The following KANSL3 variants were observed in gnomAD, a reference collection of about 807,000 sequenced individuals.
KANSL3 encodes NSL complex protein NSL3.
In KANSL3, 16 loss-of-function variants were observed where a neutral mutation model predicts 89.2. That is an observed-to-expected ratio of 0.18 (90% CI 0.12 to 0.27). The LOEUF is 0.27. Ranked by LOEUF, KANSL3 falls within the 10% of genes least tolerant of loss-of-function variation. KANSL3 has a pLI of 1.00. For synonymous variants in KANSL3, 385 were observed against 419.7 expected (o/e 0.92, Z 1.01); for missense variants, 879 against 1,110.6 (o/e 0.79, Z 2.96).
At chr2:96,612,435 A>T in intron 8 of KANSL3, 27 bp downstream of exon 8, 1 of 1,606,758 alleles carries the variant, frequency 6.2e-7, no homozygotes, top group Non-Finnish European at 8.5e-7. Flanking sequence ...GGTATGCCAC[A>T]ATGTACTGAA....
At chr2:96,604,960 G>A (rs997763287) in intron 15 of KANSL3, 97 bp from the exon 16 acceptor site, 28 of 951,994 alleles carry the variant, frequency 2.9e-5, no homozygotes, top group Admixed American at 8.4e-5. Context: ...TATTACGGAC[G>A]AAAACTGGAA....
chr2:96,612,917 A>G lies in KANSL3; in HGVS notation c.813T>C (p.Ser271=). The G allele has an allele frequency of 6.4e-7, 1 of 1,561,914 alleles. No individual in the cohort carries two copies. The highest frequency in any genetic ancestry group is 8.7e-7 in the Non-Finnish European group (1 of 1,152,902). Residue 271 remains serine (S), a synonymous_variant, in exon 7 of 21, where the codon TCT becomes TCC. Transcript: ENST00000431828. The part of the protein sequence containing the change: ...SHNKPSKLPG[S]PLILIASSGP... Reference sequence around the variant, plus strand: ...CAGAGGAGGCGATGAGAATCAGCGGAGAGCCAGGGAGTTTGCTCTAAAGAG... The same window carrying G: ...CAGAGGAGGCGATGAGAATCAGCGGGGAGCCAGGGAGTTTGCTCTAAAGAG...
intron 2 of KANSL3, 100 bp from the exon 3 acceptor site, chr2:96,631,582 T>A: frequency 7.3e-7 from 1 of 1,370,818 alleles, no homozygotes; most frequent in Non-Finnish European, 1.0e-6. Context: ...CAGTCAGCTT[T>A]AAATTACGCA....
At chr2:96,600,660 C>T (rs761911267) in intron 20 of KANSL3, 1 of 985,424 alleles carries the variant, frequency 1.0e-6, no homozygotes, top group Non-Finnish European at 1.2e-6. Flanking sequence ...CAGTACTAGA[C>T]TCAAACTGTT....
intron 20 of KANSL3, chr2:96,598,016 T>C (rs2104874255): frequency 5.3e-6 from 4 of 755,884 alleles, no homozygotes; most frequent in Non-Finnish European, 6.4e-6. Flanking sequence ...GGATTCTCAA[T>C]GACCTCTACT....
intron 20 of KANSL3, among the ~76,000 whole-genome samples, chr2:96,596,026 G>C (rs1391011579): frequency 6.6e-6 from 1 of 152,164 alleles, no homozygotes; most frequent in Non-Finnish European, 1.5e-5. Flanking sequence ...GACAGAAAAG[G>C]AATGCAGAAA....
At chr2:96,586,261 G>A in the KANSL3 span, among the ~76,000 whole-genome samples, 1 of 151,856 alleles carries the variant, frequency 6.6e-6, no homozygotes, top group South Asian at 2.1e-4. Flanking sequence ...TGACTTTGAG[G>A]ACTTCGGGGT....
rs2067283665 is a variant in KANSL3, at chr2:96,602,244, G to A, written c.2354C>T (p.Thr785Ile). 1 of 1,612,052 alleles carries A rather than the reference G, an allele frequency of 6.2e-7. No homozygotes were observed. Among genetic ancestry groups the A allele is most frequent in the African/African-American group, 1.3e-5 (1 of 74,926 alleles). ...AGGAGTGGCACCCAAGGAGGAGAGAGTGGTGGCCACAGGAATGGTACGGAC... is the reference window on the plus strand; with the variant it reads ...AGGAGTGGCACCCAAGGAGGAGAGAATGGTGGCCACAGGAATGGTACGGAC... ...TIVRTIPVATTLSSLGATPGG... is the reference protein window; with the variant it reads ...TIVRTIPVATILSSLGATPGG... Residue 785 changes from threonine to isoleucine, a missense_variant, in exon 19 of 21, where the codon ACT (threonine) becomes ATT (isoleucine). Transcript: ENST00000431828.
the KANSL3 span, among the ~76,000 whole-genome samples, chr2:96,581,961 T>TG: frequency 2.6e-5 from 4 of 152,196 alleles, no homozygotes; most frequent in African/African-American, 9.6e-5. Flanking sequence ...ATATTTTCCT[T>TG]GGGGGGCCTC....
intron 20 of KANSL3, chr2:96,601,434 A>C (rs1024371226): frequency 1.5e-6 from 2 of 1,353,942 alleles, no homozygotes; most frequent in African/African-American, 3.0e-5. Flanking sequence ...ACTCTTCACA[A>C]TATCAAGGGA....
intron 2 of KANSL3, 183 bp downstream of exon 2, chr2:96,636,738 G>A: frequency 2.1e-6 from 1 of 473,836 alleles, no homozygotes; most frequent in Non-Finnish European, 3.7e-6. Context: ...ACTCTTGTTA[G>A]CTGTCTCACA....
At chr2:96,581,873 A>T in the KANSL3 span, among the ~76,000 whole-genome samples, 1 of 152,230 alleles carries the variant, frequency 6.6e-6, no homozygotes, top group Admixed American at 6.5e-5. Flanking sequence ...ACTGAGGCTC[A>T]AGGTTAACTG....
chr2:96,595,603 CA>C lies in KANSL3; in HGVS notation c.*7del. The C allele has an allele frequency of 6.2e-7, 1 of 1,613,726 alleles. No homozygotes were observed. The highest frequency in any genetic ancestry group is 8.5e-7 in the Non-Finnish European group (1 of 1,179,760). On this transcript the variant is annotated 3_prime_UTR_variant, in exon 21 of 21. Transcript: ENST00000431828. The stretch of plus-strand genomic sequence containing the variant: ...AACTTGGTAAGGAGGACATATCACA[CA>C]GCATCTTCAGGGTGCTGGAGGCAGG...
chr2:96,636,674 ACTAT>A lies in KANSL3; in HGVS notation c.215+243_215+246del, dbSNP rs1399626846. On this transcript the variant is annotated intron_variant, in intron 2 of 20. Transcript: ENST00000431828. ...CGATTTTCCCCTTTCCACACGTCCTACTATCTAAGTGGAATAGGTTGTCTGCTTT... is the reference window on the plus strand; with the variant it reads ...CGATTTTCCCCTTTCCACACGTCCTACTAAGTGGAATAGGTTGTCTGCTTT... The A allele has an allele frequency of 2.4e-5, 10 of 412,362 alleles. No homozygotes were observed. In the Admixed American group the frequency reaches 2.4e-4, roughly 10 times the overall value. 25.5% of individuals were successfully genotyped at this position (412,362 alleles called of 1,614,324 possible). A position where few individuals can be genotyped will look rare whatever the true frequency, so the allele number is the denominator to read the frequency against.
intron 20 of KANSL3, among the ~76,000 whole-genome samples, chr2:96,598,894 G>A (rs947115858): frequency 9.7e-6 from 1 of 103,242 alleles, no homozygotes; most frequent in South Asian, 3.6e-4. Context: ...TGGGTGACAA[G>A]AGTGAGACTG....
chr2:96,611,115 A>C lies in KANSL3; in HGVS notation c.1110T>G (p.Thr370=), dbSNP rs767555226. The C allele has an allele frequency of 1.3e-5, 21 of 1,614,018 alleles. No individual in the cohort carries two copies. The highest frequency in any genetic ancestry group is 1.8e-5 in the Non-Finnish European group (21 of 1,179,842). Residue 370 remains threonine (T), a synonymous_variant, in exon 10 of 21, where the codon ACT becomes ACG. Transcript: ENST00000431828. ...GAGGAAACCCAAGGCAGACAACTGC[A>C]GTGACATACTCCATTACTGACACCT... ...ACHVSVMEYV[T]AVVCLGFPLL... is the part of the protein sequence containing the mutation.
At chr2:96,596,150 CT>C (rs2066507589) in intron 20 of KANSL3, among the ~76,000 whole-genome samples, 1 of 152,222 alleles carries the variant, frequency 6.6e-6, no homozygotes, top group South Asian at 2.1e-4. Flanking sequence ...ATGTTGAGCC[CT>C]GCAGCTTAAG....
chr2:96,616,337 C>T (rs1227711577), intron 5 of KANSL3, among the ~76,000 whole-genome samples: 1 of 152,250 alleles, frequency 6.6e-6, no homozygotes, highest in Non-Finnish European at 1.5e-5. Context: ...AGCCTTGACA[C>T]TTGCTTCCTG....
At chr2:96,605,243 G>A in intron 15 of KANSL3, 77 bp downstream of exon 15, 1 of 1,272,538 alleles carries the variant, frequency 7.9e-7, no homozygotes, top group Non-Finnish European at 1.1e-6. Flanking sequence ...CTGACATGCT[G>A]GTGAATGGCC....
Sources: allele counts gnomAD v4.1 joint callset (sites outside exome capture counted in the v4.1 genomes callset), GRCh38; gene constraint gnomAD v4.1.1; transcripts MANE v1.5; gene names NCBI Gene and HGNC (gene_info 2026-07-23, HGNC 2026-07-21).